VAV3: variants seen among roughly 807,000 people sequenced by gnomAD.
The protein encoded by VAV3 is guanine nucleotide exchange factor VAV3.
In VAV3, 94 loss-of-function variants were observed where a neutral mutation model predicts 131.2. That is an observed-to-expected ratio of 0.72 (90% CI 0.61 to 0.85). The LOEUF (loss-of-function observed/expected upper bound fraction) is 0.85. Among genes scored for constraint, VAV3 ranks in the 40% least tolerant of loss-of-function variants. VAV3 has a pLI of 0.00. For synonymous variants in VAV3, 349 were observed against 342.0 expected (o/e 1.02, Z -0.22); for missense variants, 939 against 1,002.7 (o/e 0.94, Z 0.86).
At chr1:107,610,990 AT>A (rs1652683709) in intron 21 of VAV3, among the ~76,000 whole-genome samples, 1 of 152,170 alleles carries the variant, frequency 6.6e-6, no homozygotes, top group Non-Finnish European at 1.5e-5. Context: ...GGTCTTCATA[AT>A]GTGCTGTTAC....
intron 1 of VAV3, among the ~76,000 whole-genome samples, chr1:107,894,808 C>T (rs1045146611): frequency 1.3e-5 from 2 of 152,068 alleles, no homozygotes; most frequent in Admixed American, 1.3e-4. Context: ...TAGAAGTACC[C>T]CTAATGACAG....
intron 15 of VAV3, among the ~76,000 whole-genome samples, chr1:107,734,780 C>A (rs1488295819): frequency 6.6e-6 from 1 of 152,104 alleles, no homozygotes; most frequent in Non-Finnish European, 1.5e-5. Context: ...ACCCCACTGT[C>A]AATATTAGAC....
At chr1:107,946,189 G>C (rs77031967) in intron 1 of VAV3, among the ~76,000 whole-genome samples, 74 of 152,292 alleles carry the variant, frequency 4.9e-4, no homozygotes, top group African/African-American at 1.7e-3. Context: ...TAATTAGGAG[G>C]CAGTGGTCCA....
At chr1:107,879,873 C>A (rs967942768) in intron 1 of VAV3, among the ~76,000 whole-genome samples, 11 of 152,126 alleles carry the variant, frequency 7.2e-5, no homozygotes, top group African/African-American at 2.7e-4. Flanking sequence ...TAAGGATACA[C>A]AAAAGTTTAA....
chr1:107,649,720 C>T (rs1392955449), intron 19 of VAV3, among the ~76,000 whole-genome samples: 1 of 152,080 alleles, frequency 6.6e-6, no homozygotes, highest in African/African-American at 2.4e-5. Flanking sequence ...TGATTAAGGG[C>T]ACTTTGCAAG....
chr1:107,852,066 C>T (rs1400696970), intron 2 of VAV3, among the ~76,000 whole-genome samples: 1 of 152,076 alleles, frequency 6.6e-6, no homozygotes, highest in East Asian at 1.9e-4. Flanking sequence ...TATCATACCT[C>T]CAACTAAGGA....
At chr1:107,877,185 TAA>T (rs748995168) in intron 1 of VAV3, among the ~76,000 whole-genome samples, 2 of 152,200 alleles carry the variant, frequency 1.3e-5, no homozygotes, top group Non-Finnish European at 2.9e-5. Flanking sequence ...AAAAAATTCA[TAA>T]GAGACCTTTA....
At position 107,924,407 on chromosome 1, in the gene VAV3, C is replaced by A. The variant is rs570738056; in HGVS notation, c.204+40259G>T. Among the ~76,000 whole-genome samples, 12 of 146,392 alleles carry A rather than the reference C, an allele frequency of 8.2e-5. No individual in the cohort carries two copies. In the South Asian group the frequency reaches 1.3e-3, roughly 16 times the overall value. ...GATATTATGACAAAAAAAAAAAAAACCCTGTAAACACTCAATTTAAAAGAA... is the reference window on the plus strand; with the variant it reads ...GATATTATGACAAAAAAAAAAAAAAACCTGTAAACACTCAATTTAAAAGAA... On this transcript the variant is annotated intron_variant, in intron 1 of 26. Transcript: ENST00000370056.
At chr1:107,612,392 T>G (rs1163631326) in intron 21 of VAV3, among the ~76,000 whole-genome samples, 2 of 152,102 alleles carry the variant, frequency 1.3e-5, no homozygotes, top group East Asian at 3.8e-4. Context: ...TTTCAGATAT[T>G]AATTCAGACA....
At chr1:107,836,388 T>C (rs1668478756) in intron 2 of VAV3, among the ~76,000 whole-genome samples, 1 of 152,164 alleles carries the variant, frequency 6.6e-6, no homozygotes, top group African/African-American at 2.4e-5. Context: ...TGAAACAGAA[T>C]TACAACATAC....
chr1:107,939,105 A>G (rs1489212110), intron 1 of VAV3, among the ~76,000 whole-genome samples: 1 of 152,152 alleles, frequency 6.6e-6, no homozygotes, highest in Non-Finnish European at 1.5e-5. Context: ...GGGCTGCCCA[A>G]TTTGCAAATC....
intron 2 of VAV3, among the ~76,000 whole-genome samples, chr1:107,794,907 G>A (rs1666464741): frequency 6.6e-6 from 1 of 152,174 alleles, no homozygotes; most frequent in Admixed American, 6.5e-5. Flanking sequence ...TGAGTGTGGG[G>A]TGTGCCACTG....
chr1:107,925,674 G>A (rs1006099377), intron 1 of VAV3, among the ~76,000 whole-genome samples: 1 of 152,054 alleles, frequency 6.6e-6, no homozygotes, highest in Non-Finnish European at 1.5e-5. Flanking sequence ...CAATGGCTAG[G>A]GGAAGGGGGA....
chr1:107,702,476 G>A (rs149058331), intron 17 of VAV3, among the ~76,000 whole-genome samples: 113 of 152,266 alleles, frequency 7.4e-4, no homozygotes, highest in African/African-American at 2.7e-3. Flanking sequence ...AGTAAATTGT[G>A]AAGCTAGGAT....
intron 1 of VAV3, among the ~76,000 whole-genome samples, chr1:107,915,565 T>C (rs546253908): frequency 6.6e-6 from 1 of 152,282 alleles, no homozygotes; most frequent in South Asian, 2.1e-4. Context: ...CAATACCTCT[T>C]CACAGAGTTA....
intron 12 of VAV3, among the ~76,000 whole-genome samples, chr1:107,754,008 A>G (rs1252668867): frequency 1.3e-5 from 2 of 152,196 alleles, no homozygotes; most frequent in Non-Finnish European, 2.9e-5. Flanking sequence ...AGGGAATAGG[A>G]AAAAAACATT....
intron 1 of VAV3, among the ~76,000 whole-genome samples, chr1:107,903,595 G>A (rs1254833083): frequency 6.6e-6 from 1 of 152,000 alleles, no homozygotes; most frequent in East Asian, 1.9e-4. Context: ...AGTAATAAGG[G>A]CATTCACCTA....
intron 1 of VAV3, among the ~76,000 whole-genome samples, chr1:107,879,226 T>C (rs934529781): frequency 1.3e-5 from 2 of 152,182 alleles, no homozygotes; most frequent in African/African-American, 4.8e-5. Context: ...ATAAGTCTTA[T>C]TTTCATTTAT....
intron 2 of VAV3, among the ~76,000 whole-genome samples, chr1:107,845,055 G>A (rs1181556095): frequency 6.6e-6 from 1 of 152,190 alleles, no homozygotes; most frequent in Non-Finnish European, 1.5e-5. Context: ...TTACTGGAGA[G>A]CTCCGGCTGG....
Sources: allele counts gnomAD v4.1 joint callset (sites outside exome capture counted in the v4.1 genomes callset), GRCh38; gene constraint gnomAD v4.1.1; transcripts MANE v1.5; gene names NCBI Gene and HGNC (gene_info 2026-07-23, HGNC 2026-07-21).